The following ADK variants were observed in gnomAD, a reference collection of about 807,000 sequenced individuals.
ADK encodes adenosine kinase.
Under a neutral mutation model 44.7 loss-of-function variants are expected in ADK, and 24 were observed. The observed-to-expected ratio is 0.54, with a 90% CI of 0.39 to 0.76. The LOEUF is 0.76. ADK is among the 30% of genes least tolerant of loss of function. The pLI is 0.00. For synonymous variants in ADK, 128 were observed against 142.6 expected, an observed-to-expected ratio of 0.90 and a Z score of 0.73; for missense variants, 321 against 425.1, an observed-to-expected ratio of 0.76 and a Z score of 2.15.
intron 3 of ADK, among the ~76,000 whole-genome samples, chr10:74,287,598 C>CT (rs1292323540): frequency 2.6e-5 from 4 of 152,020 alleles, no homozygotes; most frequent in South Asian, 2.1e-4. Context: ...ATGTTATGTC[C>CT]TATTACCTGA....
intron 8 of ADK, among the ~76,000 whole-genome samples, chr10:74,590,081 T>G (rs1358987068): frequency 6.6e-6 from 1 of 152,208 alleles, no homozygotes; most frequent in Non-Finnish European, 1.5e-5. Context: ...AACTGATTGT[T>G]AGAAAACACT....
intron 7 of ADK, among the ~76,000 whole-genome samples, chr10:74,564,413 C>T (rs562007775): frequency 6.6e-6 from 1 of 152,256 alleles, no homozygotes; most frequent in Non-Finnish European, 1.5e-5. Flanking sequence ...GCCCACAATT[C>T]CTATGATTTT....
At chr10:74,692,804 A>G (rs1564855281) in intron 10 of ADK, among the ~76,000 whole-genome samples, 1 of 152,244 alleles carries the variant, frequency 6.6e-6, no homozygotes, top group Non-Finnish European at 1.5e-5. Flanking sequence ...TAGCCTGGGA[A>G]CAATAGGCTA....
intron 9 of ADK, among the ~76,000 whole-genome samples, chr10:74,663,382 C>T (rs1236610010): frequency 6.6e-6 from 1 of 151,646 alleles, no homozygotes; most frequent in East Asian, 1.9e-4. Context: ...TATTCCCAGT[C>T]CCTAATAAAG....
intron 7 of ADK, among the ~76,000 whole-genome samples, chr10:74,559,322 A>G (rs1370731578): frequency 2.0e-5 from 3 of 152,258 alleles, no homozygotes; most frequent in Non-Finnish European, 4.4e-5. Context: ...TAATGAAATC[A>G]TACTTTAATT....
At chr10:74,250,776 T>G (rs1424188033) in intron 3 of ADK, among the ~76,000 whole-genome samples, 1 of 152,110 alleles carries the variant, frequency 6.6e-6, no homozygotes, top group Non-Finnish European at 1.5e-5. Context: ...TTCAGAGGTA[T>G]TTTTGTTTTG....
chr10:74,307,264 A>G (rs1363727845), intron 3 of ADK, among the ~76,000 whole-genome samples: 1 of 152,206 alleles, frequency 6.6e-6, no homozygotes, highest in Non-Finnish European at 1.5e-5. Context: ...TATTTTGGTT[A>G]ACCTCTTTAA....
Position 74,457,488 on chromosome 10 carries a change from A to G in ADK, c.555+58909A>G, listed in dbSNP as rs149071262. Among the ~76,000 whole-genome samples the G allele has an allele frequency of 2.9e-3, 445 of 152,340 alleles. 1 individual carries two copies. Among genetic ancestry groups the G allele is most frequent in the Non-Finnish European group, 4.5e-3 (309 of 68,032 alleles). ...ATTCCTCAAGGAACTAGAACCAGAAATACCATTTGGCCCAGCAATCCCATT... is the reference window on the plus strand; with the variant it reads ...ATTCCTCAAGGAACTAGAACCAGAAGTACCATTTGGCCCAGCAATCCCATT... On this transcript the variant is annotated intron_variant, in intron 6 of 10. Transcript: ENST00000539909.
At chr10:74,594,684 A>G (rs1258814145) in intron 8 of ADK, among the ~76,000 whole-genome samples, 1 of 152,062 alleles carries the variant, frequency 6.6e-6, no homozygotes, top group Non-Finnish European at 1.5e-5. Context: ...AAAAAAAAAA[A>G]AAGAATGAAG....
At chr10:74,574,437 G>A (rs1023364215) in intron 7 of ADK, among the ~76,000 whole-genome samples, 3 of 152,138 alleles carry the variant, frequency 2.0e-5, no homozygotes, top group African/African-American at 7.2e-5. Context: ...CCAAAGTGCT[G>A]GGATTACAGG....
At chr10:74,183,994 G>A (rs952631235) in intron 1 of ADK, among the ~76,000 whole-genome samples, 9 of 151,914 alleles carry the variant, frequency 5.9e-5, no homozygotes, top group South Asian at 2.1e-4. Context: ...TCAGCTCACC[G>A]CAACCTCCGC....
intron 4 of ADK, among the ~76,000 whole-genome samples, chr10:74,380,759 A>G (rs1360179940): frequency 6.6e-6 from 1 of 152,100 alleles, no homozygotes; most frequent in Non-Finnish European, 1.5e-5. Flanking sequence ...CCCTGTCTCA[A>G]AAAAAAACAC....
At chr10:74,669,064 AT>A (rs1392342251) in intron 9 of ADK, among the ~76,000 whole-genome samples, 6 of 152,030 alleles carry the variant, frequency 3.9e-5, no homozygotes, top group African/African-American at 9.7e-5. Flanking sequence ...TTTAAAAAAG[AT>A]TGACTAAGTG....
Position 74,251,894 on chromosome 10 carries a change from CTTT to C in ADK, c.194+27323_194+27325del, listed in dbSNP as rs566363104. On this transcript the variant is annotated intron_variant, in intron 3 of 10. Transcript: ENST00000539909. ...ACTGCTGTTTTCCTTGTGGCAGATA[CTTT>C]TTTTTTTTTTTTTTTTTTTGTCGAC... is the stretch of plus-strand genomic sequence containing the variant. 1.2e-3 allele frequency among the ~76,000 whole-genome samples: 116 copies of C among 99,394 alleles called. No individual in the cohort carries two copies. The Middle Eastern group carries it at 0.026, about 22-fold the overall frequency. 65.2% of individuals were successfully genotyped at this position (99,394 alleles called of 152,430 possible).
At chr10:74,316,129 A>G (rs528772822) in intron 4 of ADK, among the ~76,000 whole-genome samples, 2 of 152,136 alleles carry the variant, frequency 1.3e-5, no homozygotes, top group African/African-American at 4.8e-5. Flanking sequence ...AATCCCAGCT[A>G]CTTGGGAGGC....
At chr10:74,154,923 A>G (rs1019284107) in intron 1 of ADK, among the ~76,000 whole-genome samples, 2 of 152,160 alleles carry the variant, frequency 1.3e-5, no homozygotes, top group African/African-American at 4.8e-5. Context: ...CTACTTATTC[A>G]TCACGGCAAA....
intron 7 of ADK, among the ~76,000 whole-genome samples, chr10:74,531,085 CA>C (rs1849275758): frequency 6.6e-6 from 1 of 152,058 alleles, no homozygotes; most frequent in Admixed American, 6.6e-5. Flanking sequence ...TGCAGAATCC[CA>C]ACAAGTCTTC....
intron 9 of ADK, among the ~76,000 whole-genome samples, chr10:74,618,096 G>A (rs546106591): frequency 1.5e-4 from 21 of 138,180 alleles, no homozygotes; most frequent in African/African-American, 6.6e-4. Context: ...ACCTTTCTGT[G>A]TTCTTATATG....
At chr10:74,500,400 T>A (rs1847848540) in intron 6 of ADK, among the ~76,000 whole-genome samples, 1 of 152,188 alleles carries the variant, frequency 6.6e-6, no homozygotes, top group Non-Finnish European at 1.5e-5. Flanking sequence ...GATATTTCAG[T>A]GTTTTTTTAG....
Sources: gnomAD v4.1 joint callset for allele counts (sites outside exome capture counted in the v4.1 genomes callset) on GRCh38, gnomAD v4.1.1 for gene constraint, MANE v1.5 for transcripts, NCBI Gene and HGNC (gene_info 2026-07-23, HGNC 2026-07-21) for gene names.